The following COL5A2 variants were observed in gnomAD, a reference collection of about 807,000 sequenced individuals.
COL5A2 encodes collagen alpha-2(V) chain.
COL5A2 carries 23 observed loss-of-function variants against 208.2 expected under a neutral mutation model. The ratio of observed to expected loss-of-function variants is 0.11; its 90% CI spans 0.08 to 0.16. The LOEUF is 0.16. Ranked by LOEUF, COL5A2 falls within the 10% of genes least tolerant of loss-of-function variation. The probability of loss-of-function intolerance (pLI) is 1.00; values close to 1 mark genes in which losing one functional copy is unlikely to be tolerated. For synonymous variants in COL5A2, 625 were observed against 628.5 expected, an observed-to-expected ratio of 0.99 and a Z score of 0.08; for missense variants, 1,590 against 1,956.4, an observed-to-expected ratio of 0.81 and a Z score of 3.53.
chr2:189,392,573 T>C, the COL5A2 span, among the ~76,000 whole-genome samples: 3 of 152,144 alleles, frequency 2.0e-5, no homozygotes, highest in Non-Finnish European at 4.4e-5. Flanking sequence ...AAGCAAATCA[T>C]CTTACTTTAT....
chr2:189,361,760 T>G, the COL5A2 span, among the ~76,000 whole-genome samples: 1 of 152,120 alleles, frequency 6.6e-6, no homozygotes, highest in South Asian at 2.1e-4. Context: ...CTACACTATT[T>G]ATTTTGGTAT....
intron 50 of COL5A2, among the ~76,000 whole-genome samples, chr2:189,039,938 T>G (rs929415091): frequency 1.3e-5 from 2 of 152,130 alleles, no homozygotes; most frequent in African/African-American, 2.4e-5. Flanking sequence ...GTTTTAAAAT[T>G]ATTTTTGGAT....
chr2:189,114,505 G>A (rs1372125522), intron 1 of COL5A2, among the ~76,000 whole-genome samples: 3 of 151,908 alleles, frequency 2.0e-5, no homozygotes, highest in Admixed American at 2.0e-4. Flanking sequence ...TGACAACACA[G>A]TATAAAATAA....
At position 189,156,642 on chromosome 2, in the gene COL5A2, C is replaced by T. The variant is rs1688252613; in HGVS notation, c.97+22866G>A. Among the ~76,000 whole-genome samples the T allele has an allele frequency of 3.3e-5, 5 of 152,178 alleles. No individual in the cohort carries two copies. The South Asian group carries it at 8.3e-4, about 25-fold the overall frequency. On this transcript the variant is annotated intron_variant, in intron 1 of 53. Coordinates refer to ENST00000374866, the MANE Select transcript of COL5A2 (RefSeq NM_000393.5). ...AGCAGAATATTATCACACATTGATGCTTTAGTATGAAAAATTAATATTATT... is the reference window on the plus strand; with the variant it reads ...AGCAGAATATTATCACACATTGATGTTTTAGTATGAAAAATTAATATTATT...
At chr2:189,332,028 A>G in the COL5A2 span, among the ~76,000 whole-genome samples, 2 of 152,134 alleles carry the variant, frequency 1.3e-5, no homozygotes, top group Non-Finnish European at 2.9e-5. Flanking sequence ...GTGACTAGAC[A>G]TTGTAGACTT....
the COL5A2 span, among the ~76,000 whole-genome samples, chr2:189,324,984 G>T: frequency 7.2e-5 from 11 of 152,156 alleles, no homozygotes; most frequent in Non-Finnish European, 1.6e-4. Context: ...ATACTATGCA[G>T]CCATAAAAAA....
At chr2:189,289,585 A>T in the COL5A2 span, among the ~76,000 whole-genome samples, 1,590 of 152,288 alleles carry the variant, frequency 0.01, 29 homozygotes, top group African/African-American at 0.036. Flanking sequence ...GAAAGAGAGA[A>T]GTTAAATCAT....
the COL5A2 span, among the ~76,000 whole-genome samples, chr2:189,266,231 G>A: frequency 1.3e-5 from 2 of 152,076 alleles, no homozygotes; most frequent in East Asian, 3.9e-4. Context: ...TTAGAGACCA[G>A]CCTGACCAAC....
chr2:189,102,023 A>T (rs1241633189), intron 3 of COL5A2, among the ~76,000 whole-genome samples: 1 of 152,138 alleles, frequency 6.6e-6, no homozygotes, highest in Non-Finnish European at 1.5e-5. Context: ...GCTATAATAA[A>T]AGATATTTTT....
At chr2:189,041,529 G>A (rs1228306116) in intron 50 of COL5A2, 57 bp downstream of exon 50, 30 of 1,349,070 alleles carry the variant, frequency 2.2e-5, no homozygotes, top group Admixed American at 6.7e-5. Context: ...TTTCTTGGAC[G>A]GAATCTGAGC....
chr2:189,050,912 T>C (rs1369363429), intron 42 of COL5A2, among the ~76,000 whole-genome samples: 2 of 152,138 alleles, frequency 1.3e-5, no homozygotes, highest in Non-Finnish European at 2.9e-5. Context: ...TTAATGTGAA[T>C]ACTGACTCAA....
At position 189,039,503 on chromosome 2, in the gene COL5A2, C is replaced by T. The variant is rs1263127952; in HGVS notation, c.3694G>A (p.Ala1232Thr). 2.5e-6 allele frequency: 4 copies of T among 1,613,926 alleles called. No individual in the cohort carries two copies. In the Admixed American group the frequency reaches 6.7e-5, roughly 27 times the overall value. Residue 1232 changes from alanine to threonine, a missense_variant, in exon 51 of 54, where the codon GCT (alanine) becomes ACT (threonine). Ala to Thr is a moderately conservative substitution (Grantham distance 58, BLOSUM62 0). Transcript: ENST00000374866. ...PPGPPGHLTA[A>T]LGDIMGHYDE... ...TAGTGCCCCATGATATCCCCAAGAG[C>T]AGCTGTAAGGTGGCCAGGGGGACCC... is the stretch of plus-strand genomic sequence containing the variant.
At chr2:189,197,827 C>T (rs533300185) in intron 1 of COL5A2, among the ~76,000 whole-genome samples, 102 of 148,578 alleles carry the variant, frequency 6.9e-4, no homozygotes, top group African/African-American at 2.4e-3. Flanking sequence ...TTTCCTCTTA[C>T]GTGGCAAAAG....
the COL5A2 span, among the ~76,000 whole-genome samples, chr2:189,339,021 G>A: frequency 6.6e-6 from 1 of 152,122 alleles, no homozygotes; most frequent in Non-Finnish European, 1.5e-5. Flanking sequence ...AATAGATCTA[G>A]CCTAGACACA....
chr2:189,062,239 A>T (rs1163183175), intron 29 of COL5A2, among the ~76,000 whole-genome samples: 1 of 151,242 alleles, frequency 6.6e-6, no homozygotes, highest in Non-Finnish European at 1.5e-5. Flanking sequence ...GCTGGAGTGC[A>T]ACGGTGTAAT....
intron 8 of COL5A2, among the ~76,000 whole-genome samples, chr2:189,087,614 G>C (rs979627047): frequency 6.7e-6 from 1 of 149,130 alleles, no homozygotes. Context: ...CACCATGCCC[G>C]GCTAATTGTT....
the COL5A2 span, among the ~76,000 whole-genome samples, chr2:189,352,032 T>C: frequency 1.7e-3 from 252 of 152,096 alleles, 1 homozygote; most frequent in African/African-American, 5.6e-3. Context: ...CTCCCACTTA[T>C]GAGTGAAAAC....
At chr2:189,431,336 G>GA in the COL5A2 span, among the ~76,000 whole-genome samples, 1 of 152,178 alleles carries the variant, frequency 6.6e-6, no homozygotes, top group Non-Finnish European at 1.5e-5. Context: ...GCTGGACAGA[G>GA]AAAGACTTTG....
chr2:189,132,151 G>A (rs1687728200), intron 1 of COL5A2, among the ~76,000 whole-genome samples: 1 of 152,206 alleles, frequency 6.6e-6, no homozygotes, highest in Non-Finnish European at 1.5e-5. Flanking sequence ...CTGACCTCAA[G>A]TGGCCAGAAT....
Sources: gnomAD v4.1 joint callset for allele counts (sites outside exome capture counted in the v4.1 genomes callset) on GRCh38, gnomAD v4.1.1 for gene constraint, MANE v1.5 for transcripts, NCBI Gene and HGNC (gene_info 2026-07-23, HGNC 2026-07-21) for gene names.